The following FUT8 variants were observed in gnomAD, a reference collection of about 807,000 sequenced individuals.
FUT8 encodes alpha-(1,6)-fucosyltransferase.
Under a neutral mutation model 71.3 loss-of-function variants are expected in FUT8, and 29 were observed. The observed-to-expected ratio is 0.41, with a 90% CI of 0.30 to 0.55. The LOEUF is 0.55. Ranked by LOEUF, FUT8 falls within the 20% of genes least tolerant of loss-of-function variation. The probability of loss-of-function intolerance (pLI) is 0.34; values close to 1 mark genes in which losing one functional copy is unlikely to be tolerated. For missense variants in FUT8, 544 were observed against 702.1 expected (o/e 0.77, Z 2.55); for synonymous variants, 254 against 239.3 (o/e 1.06, Z -0.57).
intron 6 of FUT8, among the ~76,000 whole-genome samples, chr14:65,639,222 G>A (rs1471336120): frequency 6.6e-6 from 1 of 152,098 alleles, no homozygotes; most frequent in East Asian, 1.9e-4. Flanking sequence ...AAGGACATAG[G>A]CTGGTGATAG....
chr14:65,615,448 C>A (rs1795778225), intron 3 of FUT8, among the ~76,000 whole-genome samples: 1 of 152,102 alleles, frequency 6.6e-6, no homozygotes, highest in African/African-American at 2.4e-5. Flanking sequence ...TCTTGTCTTT[C>A]TTTTTTCTAT....
chr14:65,655,983 A>G lies in FUT8; in HGVS notation c.598-13260A>G, dbSNP rs1043881769. 3.5e-5 allele frequency among the ~76,000 whole-genome samples: 5 copies of G among 144,274 alleles called. No individual in the cohort carries two copies. In the East Asian group the frequency reaches 8.3e-4, roughly 24 times the overall value. 94.6% of individuals were successfully genotyped at this position (144,274 alleles called of 152,430 possible). A position where few individuals can be genotyped will look rare whatever the true frequency, so the allele number is the denominator to read the frequency against. ...CTCAACATAATAAAAGCCATATACA[A>G]CAGACCCATAACTAGTACCATAATG... On this transcript the variant is annotated intron_variant, in intron 6 of 10. Transcript: ENST00000673929.
intron 3 of FUT8, among the ~76,000 whole-genome samples, chr14:65,588,144 T>A (rs761260660): frequency 6.6e-6 from 1 of 152,184 alleles, no homozygotes; most frequent in Non-Finnish European, 1.5e-5. Flanking sequence ...AATTTTCCAC[T>A]ACTCCTCCTT....
chr14:65,368,053 T>G, the FUT8 span, among the ~76,000 whole-genome samples: 1 of 139,404 alleles, frequency 7.2e-6, no homozygotes, highest in Non-Finnish European at 1.6e-5. Context: ...AAAATTACTT[T>G]TTTTTTTTTT....
At chr14:65,386,477 C>G in the FUT8 span, among the ~76,000 whole-genome samples, 2 of 135,174 alleles carry the variant, frequency 1.5e-5, no homozygotes, top group Non-Finnish European at 3.0e-5. Context: ...ACCCTCCAGC[C>G]TGGGCCACAG....
chr14:65,492,266 CCT>C (rs1177293397), intron 2 of FUT8, among the ~76,000 whole-genome samples: 17 of 152,096 alleles, frequency 1.1e-4, no homozygotes, highest in Admixed American at 2.6e-4. Context: ...CCGAAAGCTG[CCT>C]TCTTACTTCA....
chr14:65,590,934 AAAC>A (rs1458957075), intron 3 of FUT8, among the ~76,000 whole-genome samples: 2 of 152,182 alleles, frequency 1.3e-5, no homozygotes, highest in Admixed American at 1.3e-4. Flanking sequence ...TGTTGGGGAA[AAAC>A]AACATTTCTG....
chr14:65,730,556 C>T (rs1895929725), intron 9 of FUT8, among the ~76,000 whole-genome samples: 1 of 151,954 alleles, frequency 6.6e-6, no homozygotes. Flanking sequence ...GCCTGTGGTC[C>T]CAGCCACTCA....
intron 2 of FUT8, among the ~76,000 whole-genome samples, chr14:65,514,082 C>T (rs1376727006): frequency 1.3e-5 from 2 of 152,234 alleles, no homozygotes; most frequent in African/African-American, 2.4e-5. Flanking sequence ...CTAAAACTGG[C>T]TTAGGGTCTG....
the FUT8 span, among the ~76,000 whole-genome samples, chr14:65,382,457 C>T: frequency 6.6e-6 from 1 of 152,158 alleles, no homozygotes; most frequent in African/African-American, 2.4e-5. Context: ...ATGCCTCAGC[C>T]TCCGAGTAGC....
chr14:65,629,750 ACT>A, intron 6 of FUT8, 144 bp downstream of exon 6: 1 of 618,734 alleles, frequency 1.6e-6, no homozygotes, highest in Non-Finnish European at 2.8e-6. Context: ...TCAGAAAGAC[ACT>A]GTGTTATGCC....
At chr14:65,508,499 T>G (rs1261650016) in intron 2 of FUT8, among the ~76,000 whole-genome samples, 2 of 125,726 alleles carry the variant, frequency 1.6e-5, no homozygotes, top group African/African-American at 6.2e-5. Context: ...GAGTTTTTTT[T>G]TTTTTTTTTT....
chr14:65,601,865 G>T (rs1888304959), intron 3 of FUT8, among the ~76,000 whole-genome samples: 1 of 152,008 alleles, frequency 6.6e-6, no homozygotes, highest in Non-Finnish European at 1.5e-5. Context: ...ATAACCCCAT[G>T]TATTTCACTC....
At chr14:65,411,924 C>A (rs537824436), upstream of FUT8, 1 of 413,642 alleles carries the variant, frequency 2.4e-6, no homozygotes, top group Non-Finnish European at 4.8e-6. Context: ...GCGGTCTGGG[C>A]TGCTCTGGGG....
At chr14:65,618,041 A>G (rs1053327095) in intron 5 of FUT8, among the ~76,000 whole-genome samples, 3 of 116,198 alleles carry the variant, frequency 2.6e-5, no homozygotes, top group African/African-American at 9.8e-5. Context: ...ATATATATAT[A>G]TATATATATA....
chr14:65,575,114 T>C, intron 3 of FUT8, among the ~76,000 whole-genome samples: 1 of 151,584 alleles, frequency 6.6e-6, no homozygotes, highest in East Asian at 1.9e-4. Context: ...TTTATTTTAT[T>C]TCTTATAATA....
chr14:65,512,824 C>T (rs925697913), intron 2 of FUT8, among the ~76,000 whole-genome samples: 1 of 147,846 alleles, frequency 6.8e-6, no homozygotes, highest in Non-Finnish European at 1.5e-5. Context: ...AAGAGAATTG[C>T]TTGAACCTGT....
chr14:65,592,643 A>G (rs774850324), intron 3 of FUT8, among the ~76,000 whole-genome samples: 1 of 152,188 alleles, frequency 6.6e-6, no homozygotes, highest in Non-Finnish European at 1.5e-5. Flanking sequence ...CATTCTGAGT[A>G]GGACAGTTTA....
intron 2 of FUT8, among the ~76,000 whole-genome samples, chr14:65,512,677 G>A (rs530618671): frequency 3.3e-5 from 5 of 152,036 alleles, no homozygotes; most frequent in South Asian, 4.2e-4. Context: ...TTGGGAGGCC[G>A]AGGCGGGTGG....
Sources: gnomAD v4.1 joint callset for allele counts (sites outside exome capture counted in the v4.1 genomes callset) on GRCh38, gnomAD v4.1.1 for gene constraint, MANE v1.5 for transcripts, NCBI Gene and HGNC (gene_info 2026-07-23, HGNC 2026-07-21) for gene names.